The following HHLA1 variants were observed in gnomAD, a reference collection of about 807,000 sequenced individuals.
The protein encoded by HHLA1 is HHLA1 neighbor of OC90.
HHLA1 carries 72 observed loss-of-function variants against 69.9 expected under a neutral mutation model. That is an observed-to-expected ratio of 1.03 (90% confidence interval 0.85 to 1.25). HHLA1 has a LOEUF of 1.25. Among genes scored for constraint, HHLA1 ranks in the 50% most tolerant of loss-of-function variants. The probability of loss-of-function intolerance (pLI) is 0.00; values close to 1 mark genes in which losing one functional copy is unlikely to be tolerated. For synonymous variants in HHLA1, 252 were observed against 233.2 expected (o/e 1.08, Z -0.73); for missense variants, 685 against 642.2 (o/e 1.07, Z -0.72).
intron 7 of HHLA1, among the ~76,000 whole-genome samples, chr8:132,091,293 A>T (rs1031054755): frequency 1.3e-5 from 2 of 152,184 alleles, no homozygotes; most frequent in Non-Finnish European, 2.9e-5. Flanking sequence ...AGTTGTTATC[A>T]ATTTTGCATA....
chr8:132,072,887 C>A (rs1823571925), intron 14 of HHLA1, among the ~76,000 whole-genome samples: 2 of 151,216 alleles, frequency 1.3e-5, no homozygotes, highest in Admixed American at 1.3e-4. Flanking sequence ...GGTAGAGGTG[C>A]AATTGATTTT....
intron 3 of HHLA1, among the ~76,000 whole-genome samples, chr8:132,101,438 G>A (rs1290266883): frequency 6.6e-6 from 1 of 152,146 alleles, no homozygotes; most frequent in Non-Finnish European, 1.5e-5. Flanking sequence ...TATTGGGCTA[G>A]TGGCTAAGAT....
At position 132,104,136 on chromosome 8, in the gene HHLA1, CTCTT is replaced by C. The variant is rs1484835169; in HGVS notation, c.107_110del (p.Lys36ArgfsTer4). 6 of 1,551,204 alleles carry C rather than the reference CTCTT, an allele frequency of 3.9e-6. No homozygotes were observed. The Admixed American group carries it at 1.2e-4, about 30-fold the overall frequency. On this transcript the variant is annotated frameshift_variant, in exon 3 of 17. Coordinates refer to ENST00000414222, the MANE Select transcript of HHLA1 (RefSeq NM_001145095.3). LOFTEE classifies it high-confidence loss of function. Reference sequence around the variant, plus strand: ...TTGTAGGTAAAAAGGTCATTCCCTTCTCTTTCTTGGCTTCTCCTTTGATGCCAGA... The same window carrying C: ...TTGTAGGTAAAAAGGTCATTCCCTTCTCTTGGCTTCTCCTTTGATGCCAGA...
chr8:132,093,133 C>T (rs1331068965), intron 7 of HHLA1, among the ~76,000 whole-genome samples: 1 of 152,050 alleles, frequency 6.6e-6, no homozygotes, highest in Non-Finnish European at 1.5e-5. Flanking sequence ...AGCTGGGGTA[C>T]ATAGGTAGAT....
chr8:132,086,420 C>T (rs958687889), intron 10 of HHLA1, among the ~76,000 whole-genome samples: 29 of 152,214 alleles, frequency 1.9e-4, no homozygotes, highest in Admixed American at 1.2e-3. Context: ...TAACACCCTG[C>T]GTGCAACACC....
intron 2 of HHLA1, 114 bp downstream of exon 2, chr8:132,105,073 C>T: frequency 3.7e-6 from 3 of 817,524 alleles, no homozygotes; most frequent in Non-Finnish European, 4.0e-6. Context: ...CCATTTTGAA[C>T]AAATTCATTT....
Position 132,095,733 on chromosome 8 carries a change from A to G in HHLA1, c.334T>C (p.Phe112Leu). 1 of 1,551,450 alleles carries G rather than the reference A, an allele frequency of 6.4e-7. No individual in the cohort carries two copies. The highest frequency in any genetic ancestry group is 8.7e-7 in the Non-Finnish European group (1 of 1,146,880). Residue 112 changes from phenylalanine (F) to leucine (L), a missense_variant, in exon 6 of 17, where the codon TTC becomes CTC. Coordinates refer to ENST00000414222, the MANE Select transcript of HHLA1 (RefSeq NM_001145095.3). ...TAAACAGCTACAGAAAACTTGTGGA[A>G]GGCGAAGGAACTGTAGGAAGTGACA... ...LSVTSYSSFA[F>L]HKFSVAVYNI...
rs546102856 is a variant in HHLA1, at chr8:132,087,253, T to C, written c.676+400A>G. Among the ~76,000 whole-genome samples, 5 of 152,226 alleles carry C rather than the reference T, an allele frequency of 3.3e-5. No homozygotes were observed. In the South Asian group the frequency reaches 1.0e-3, roughly 32 times the overall value. On this transcript the variant is annotated intron_variant, in intron 10 of 16. Transcript: ENST00000414222. ...GGCATGAGGGTGGGGCATGGTTAGG[T>C]AGGGACTGGGTATTACAGAGTGGCC...
chr8:132,094,659 T>C (rs971766045), intron 7 of HHLA1, among the ~76,000 whole-genome samples: 1 of 152,196 alleles, frequency 6.6e-6, no homozygotes, highest in Non-Finnish European at 1.5e-5. Flanking sequence ...ACTGTGACTT[T>C]TCCCTCCGGC....
intron 4 of HHLA1, 119 bp downstream of exon 4, chr8:132,099,956 C>T: frequency 1.4e-6 from 1 of 694,234 alleles, no homozygotes; most frequent in East Asian, 2.8e-5. Flanking sequence ...ACTTAATGAT[C>T]AGATAATGAT....
intron 12 of HHLA1, among the ~76,000 whole-genome samples, chr8:132,076,938 C>T (rs781600591): frequency 2.6e-5 from 4 of 152,070 alleles, no homozygotes; most frequent in Non-Finnish European, 4.4e-5. Context: ...ATCCCACCCC[C>T]GACAAATTGC....
intron 5 of HHLA1, among the ~76,000 whole-genome samples, chr8:132,096,663 T>C (rs1824030841): frequency 6.6e-6 from 1 of 151,950 alleles, no homozygotes; most frequent in African/African-American, 2.4e-5. Flanking sequence ...GGTCTGAGAA[T>C]CACCCACCTG....
chr8:132,085,721 G>C (rs1197159689), intron 10 of HHLA1: 1 of 151,824 alleles, frequency 6.6e-6, no homozygotes, highest in Non-Finnish European at 1.5e-5. Flanking sequence ...TACAGTCAAA[G>C]GGGGTTTGTT....
At chr8:132,107,296 T>A (rs1462165205) in intron 1 of HHLA1, among the ~76,000 whole-genome samples, 2 of 152,132 alleles carry the variant, frequency 1.3e-5, no homozygotes, top group African/African-American at 4.8e-5. Flanking sequence ...CTAAGATTTA[T>A]TTATTTTTAT....
chr8:132,076,422 C>CCCCCCCCCCCCCCCCCCCCCCCCA, intron 13 of HHLA1, 53 bp downstream of exon 13: 5 of 664,358 alleles, frequency 7.5e-6, no homozygotes, highest in South Asian at 3.3e-5. Flanking sequence ...CCAAGCTTCC[C>CCCCCCCCCCCCCCCCCCCCCCCCA]ACCCCTCCCA....
chr8:132,071,292 G>T, intron 15 of HHLA1, 48 bp downstream of exon 15: 1 of 1,505,410 alleles, frequency 6.6e-7, no homozygotes, highest in Non-Finnish European at 9.0e-7. Flanking sequence ...CACGGAATAA[G>T]AAAGCTATAA....
intron 13 of HHLA1, 106 bp from the exon 14 acceptor site, chr8:132,076,235 C>A: frequency 1.1e-6 from 1 of 904,514 alleles, no homozygotes; most frequent in Non-Finnish European, 1.7e-6. Flanking sequence ...TTCTTGAAAT[C>A]TATAGGAAAA....
In HHLA1 at chr8:132,070,015, G is replaced by GGC. The variant is rs1376827015; in HGVS notation, c.1469+1324_1469+1325insGC. ...TGGAGGAAATGTTCGTACTGACGGG[G>GGC]GGGGGGGGGAGGGGGATGAAAGATT... On this transcript the variant is annotated intron_variant, in intron 15 of 16. Transcript: ENST00000414222. 18 of 23,568 alleles carry GGC rather than the reference G, an allele frequency of 7.6e-4. 4 individuals are homozygous for GGC. Among genetic ancestry groups the GGC allele is most frequent in the Non-Finnish European group, 1.0e-4 (1 of 9,866 alleles). The allele number at this position is 23,568 out of a possible 1,614,324, so 1.5% of individuals were successfully genotyped here.
At chr8:132,064,417 G>A (rs906704861) in intron 16 of HHLA1, among the ~76,000 whole-genome samples, 12 of 152,176 alleles carry the variant, frequency 7.9e-5, no homozygotes, top group East Asian at 3.8e-4. Flanking sequence ...TGGCAAGGAC[G>A]AAAGAACTAT....
Sources: allele counts gnomAD v4.1 joint callset (sites outside exome capture counted in the v4.1 genomes callset), GRCh38; gene constraint gnomAD v4.1.1; transcripts MANE v1.5; gene names NCBI Gene and HGNC (gene_info 2026-07-23, HGNC 2026-07-21).